RHOJ: variants seen among roughly 807,000 people sequenced by gnomAD.
RHOJ encodes rho-related GTP-binding protein RhoJ.
In RHOJ, 11 loss-of-function variants were observed where a neutral mutation model predicts 23.4. That is an observed-to-expected ratio of 0.47 (90% CI 0.30 to 0.78). The LOEUF is 0.78. RHOJ is among the 30% of genes least tolerant of loss of function. The pLI is 0.08. For synonymous variants in RHOJ, 102 were observed against 102.7 expected (o/e 0.99, Z 0.04); for missense variants, 254 against 273.4 (o/e 0.93, Z 0.50).
chr14:63,239,304 G>T (rs1383823091), intron 1 of RHOJ, among the ~76,000 whole-genome samples: 1 of 152,018 alleles, frequency 6.6e-6, no homozygotes, highest in East Asian at 1.9e-4. Flanking sequence ...TAGAGACGGG[G>T]TTTCGCCATG....
In RHOJ at chr14:63,220,047, C is replaced by T. The variant is rs1404464454; in HGVS notation, c.178+15000C>T. On this transcript the variant is annotated intron_variant, in intron 1 of 4. Coordinates refer to ENST00000316754, the MANE Select transcript of RHOJ (RefSeq NM_020663.5). ...GGTATATATGAGAATCATAGAAATT[C>T]AGTTATGAAAATTATGCTGCGATGC... 2.0e-5 allele frequency among the ~76,000 whole-genome samples: 3 copies of T among 152,020 alleles called. No homozygotes were observed. In the East Asian group the frequency reaches 5.8e-4, roughly 29 times the overall value.
intron 1 of RHOJ, among the ~76,000 whole-genome samples, chr14:63,255,974 T>C (rs1385405023): frequency 1.3e-5 from 2 of 152,094 alleles, no homozygotes; most frequent in Non-Finnish European, 2.9e-5. Context: ...GCTCAAGCAA[T>C]ACTCCTGCCT....
chr14:63,234,591 C>A (rs1894754399), intron 1 of RHOJ, among the ~76,000 whole-genome samples: 1 of 152,126 alleles, frequency 6.6e-6, no homozygotes, highest in Non-Finnish European at 1.5e-5. Context: ...TTGTTCAGAT[C>A]TAAAGCCTTT....
intron 1 of RHOJ, among the ~76,000 whole-genome samples, chr14:63,211,752 C>A (rs1198291096): frequency 1.3e-5 from 2 of 152,108 alleles, no homozygotes; most frequent in Non-Finnish European, 2.9e-5. Flanking sequence ...AAAAAGCCAA[C>A]CCTTCTTTAT....
intron 1 of RHOJ, among the ~76,000 whole-genome samples, chr14:63,260,347 G>A (rs1343480952): frequency 6.6e-6 from 1 of 152,112 alleles, no homozygotes; most frequent in Non-Finnish European, 1.5e-5. Context: ...TTTATCACAC[G>A]TTCTACTCGT....
chr14:63,217,191 C>G (rs1894380165), intron 1 of RHOJ, among the ~76,000 whole-genome samples: 3 of 150,648 alleles, frequency 2.0e-5, no homozygotes, highest in Admixed American at 1.3e-4. Context: ...CACCCACTAA[C>G]TCGTCATCTA....
intron 1 of RHOJ, among the ~76,000 whole-genome samples, chr14:63,242,643 C>T (rs1173008180): frequency 6.6e-6 from 1 of 152,158 alleles, no homozygotes; most frequent in Non-Finnish European, 1.5e-5. Context: ...TGCCTCACTG[C>T]TCAAACCCAC....
intron 1 of RHOJ, among the ~76,000 whole-genome samples, chr14:63,254,498 T>C (rs1474891194): frequency 6.6e-6 from 1 of 152,150 alleles, no homozygotes; most frequent in Non-Finnish European, 1.5e-5. Flanking sequence ...TGAATACTCA[T>C]TACTTGCAAG....
intron 1 of RHOJ, among the ~76,000 whole-genome samples, chr14:63,206,696 T>C (rs1327930202): frequency 6.6e-6 from 1 of 152,152 alleles, no homozygotes; most frequent in Non-Finnish European, 1.5e-5. Flanking sequence ...AAATCTACAC[T>C]AGAAATCAAA....
chr14:63,243,932 G>A (rs1894930287), intron 1 of RHOJ, among the ~76,000 whole-genome samples: 1 of 152,164 alleles, frequency 6.6e-6, no homozygotes. Flanking sequence ...TCTTTCTGAT[G>A]TGATGCCAAA....
intron 4 of RHOJ, 37 bp from the exon 5 acceptor site, chr14:63,290,841 T>C: frequency 6.4e-7 from 1 of 1,570,826 alleles, no homozygotes; most frequent in Non-Finnish European, 8.6e-7. Flanking sequence ...TTTCTCTCTT[T>C]TTTATCTCTC....
Position 63,289,844 on chromosome 14 carries a change from G to T in RHOJ, c.499-1034G>T, listed in dbSNP as rs1413196358. ...TATATAGACTGTACACTGACAGGAT[G>T]TCTCTGGCATTAAATGTCTTTTATG... On this transcript the variant is annotated intron_variant, in intron 4 of 4. Coordinates refer to ENST00000316754, the MANE Select transcript of RHOJ (RefSeq NM_020663.5). Among the ~76,000 whole-genome samples the T allele has an allele frequency of 4.6e-5, 7 of 151,862 alleles. No individual in the cohort carries two copies. In the East Asian group the frequency reaches 1.2e-3, roughly 25 times the overall value.
intron 1 of RHOJ, among the ~76,000 whole-genome samples, chr14:63,220,551 A>T (rs2139736742): frequency 6.6e-6 from 1 of 152,288 alleles, no homozygotes; most frequent in Middle Eastern, 3.4e-3. Flanking sequence ...ATTCCATGTA[A>T]TCTAGGGAGG....
At chr14:63,282,805 C>T (rs912912413) in intron 3 of RHOJ, among the ~76,000 whole-genome samples, 4 of 151,588 alleles carry the variant, frequency 2.6e-5, no homozygotes, top group Non-Finnish European at 5.9e-5. Context: ...ATCTTGCATG[C>T]CCTGTAAGTA....
intron 1 of RHOJ, among the ~76,000 whole-genome samples, chr14:63,217,153 C>T (rs373304149): frequency 0.03 from 4,450 of 149,940 alleles, 89 homozygotes; most frequent in Admixed American, 0.057. Context: ...TAGTTACATA[C>T]GTATACATGT....
At chr14:63,251,372 A>G (rs1895068404) in intron 1 of RHOJ, among the ~76,000 whole-genome samples, 1 of 152,240 alleles carries the variant, frequency 6.6e-6, no homozygotes, top group African/African-American at 2.4e-5. Flanking sequence ...ATATAGCCAT[A>G]GTTACTCAAG....
chr14:63,242,153 T>C (rs1014229598), intron 1 of RHOJ, among the ~76,000 whole-genome samples: 1 of 152,204 alleles, frequency 6.6e-6, no homozygotes, highest in African/African-American at 2.4e-5. Context: ...CTAAGTGTAG[T>C]TGTGTCTCAA....
chr14:63,253,682 G>A (rs1895112400), intron 1 of RHOJ, among the ~76,000 whole-genome samples: 1 of 152,112 alleles, frequency 6.6e-6, no homozygotes, highest in African/African-American at 2.4e-5. Flanking sequence ...CCTTCTTACT[G>A]TTTCTAAGAT....
At chr14:63,243,523 A>G (rs1318585896) in intron 1 of RHOJ, among the ~76,000 whole-genome samples, 1 of 152,098 alleles carries the variant, frequency 6.6e-6, no homozygotes, top group East Asian at 1.9e-4. Flanking sequence ...TATTTTTAGT[A>G]GAGACGGGGT....
Sources: gnomAD v4.1 joint callset for allele counts (sites outside exome capture counted in the v4.1 genomes callset) on GRCh38, gnomAD v4.1.1 for gene constraint, MANE v1.5 for transcripts, NCBI Gene and HGNC (gene_info 2026-07-23, HGNC 2026-07-21) for gene names.